The following GCNT1 variants were observed in gnomAD, a reference collection of about 807,000 sequenced individuals.
The protein encoded by GCNT1 is glucosaminyl (N-acetyl) transferase 1, also known as beta-1,3-galactosyl-O-glycosyl-glycoprotein beta-1,6-N-acetylglucosaminyltransferase.
A neutral mutation model predicts 26.2 loss-of-function variants in GCNT1; 16 were observed. The observed-to-expected ratio is 0.61, with a 90% confidence interval of 0.41 to 0.93. GCNT1 has a LOEUF of 0.93. Among genes scored for constraint, GCNT1 ranks in the 40% least tolerant of loss-of-function variants. The pLI, the probability that GCNT1 is intolerant of heterozygous loss-of-function variation, is 0.00. For synonymous variants in GCNT1, 183 were observed against 190.8 expected (o/e 0.96, Z 0.34); for missense variants, 477 against 526.7 (o/e 0.91, Z 0.92).
chr9:76,446,939 G>A (rs906291610), intron 1 of GCNT1, among the ~76,000 whole-genome samples: 2 of 152,048 alleles, frequency 1.3e-5, no homozygotes, highest in Non-Finnish European at 2.9e-5. Context: ...CAGATCACTC[G>A]AGTCCAGGAG....
At chr9:76,397,674 C>G in the GCNT1 span, among the ~76,000 whole-genome samples, 7 of 152,132 alleles carry the variant, frequency 4.6e-5, no homozygotes, top group African/African-American at 1.7e-4. Context: ...GAACTCCTGG[C>G]TTCAAGTGAT....
intron 2 of GCNT1, among the ~76,000 whole-genome samples, chr9:76,460,508 T>G (rs937064115): frequency 3.9e-5 from 6 of 152,122 alleles, no homozygotes; most frequent in African/African-American, 1.4e-4. Context: ...GGCTTAGTAG[T>G]TTTTAAAGAT....
the GCNT1 span, among the ~76,000 whole-genome samples, chr9:76,403,498 T>G: frequency 2.6e-5 from 4 of 152,196 alleles, no homozygotes; most frequent in Non-Finnish European, 5.9e-5. Flanking sequence ...ATTTTGCTTT[T>G]TACTGACATG....
At chr9:76,497,151 C>T (rs1824928548) in intron 2 of GCNT1, among the ~76,000 whole-genome samples, 1 of 152,180 alleles carries the variant, frequency 6.6e-6, no homozygotes, top group South Asian at 2.1e-4. Context: ...GGTGAAGGAA[C>T]ATTGGGCAGA....
At chr9:76,418,392 G>A (rs1271807685), upstream of GCNT1, among the ~76,000 whole-genome samples, 1 of 152,120 alleles carries the variant, frequency 6.6e-6, no homozygotes, top group Non-Finnish European at 1.5e-5. Context: ...ATTCCAAAAG[G>A]GAGGAGGGTA....
rs558905453 is a variant in GCNT1 at position 76,432,466 on chromosome 9, A to G, written n.38+12579A>G. 4.0e-5 allele frequency among the ~76,000 whole-genome samples: 6 copies of G among 151,694 alleles called. No individual in the cohort carries two copies. The East Asian group carries it at 1.2e-3, about 29-fold the overall frequency. On this transcript the variant is annotated intron_variant and non_coding_transcript_variant, in intron 1 of 3. Coordinates refer to the GCNT1 transcript ENST00000488136. ...CAAGCGGTCCCACCTCAGCCTCCAGAGTAGCAGGGACTACAGGCACGCAGC... is the reference window on the plus strand; with the variant it reads ...CAAGCGGTCCCACCTCAGCCTCCAGGGTAGCAGGGACTACAGGCACGCAGC...
At chr9:76,432,140 A>T (rs1048629724) in intron 1 of GCNT1, among the ~76,000 whole-genome samples, 3 of 152,170 alleles carry the variant, frequency 2.0e-5, no homozygotes, top group African/African-American at 7.2e-5. Flanking sequence ...AGAAATTCCA[A>T]GGGTTTTAGA....
chr9:76,460,782 TA>T (rs1291732976), intron 2 of GCNT1, among the ~76,000 whole-genome samples: 1 of 152,230 alleles, frequency 6.6e-6, no homozygotes, highest in East Asian at 1.9e-4. Context: ...GAGAGGTTGA[TA>T]TTTTTTCCAT....
At chr9:76,405,347 G>C in the GCNT1 span, among the ~76,000 whole-genome samples, 1 of 150,426 alleles carries the variant, frequency 6.6e-6, no homozygotes, top group Admixed American at 6.6e-5. Flanking sequence ...TCCTGCACTA[G>C]GCACTAGAAT....
At chr9:76,443,532 GCGGTTTTC>G (rs1823514699) in intron 1 of GCNT1, among the ~76,000 whole-genome samples, 1 of 152,234 alleles carries the variant, frequency 6.6e-6, no homozygotes, top group South Asian at 2.1e-4. Context: ...ATGCCTTTAA[GCGGTTTTC>G]CACCCTGGGT....
intron 2 of GCNT1, among the ~76,000 whole-genome samples, chr9:76,500,438 AT>A (rs1825033476): frequency 6.6e-6 from 1 of 152,090 alleles, no homozygotes; most frequent in Non-Finnish European, 1.5e-5. Flanking sequence ...TGAAATTCTT[AT>A]GTTTTGTTAC....
intron 1 of GCNT1, among the ~76,000 whole-genome samples, chr9:76,451,201 A>G (rs1474634019): frequency 2.0e-5 from 3 of 152,204 alleles, no homozygotes; most frequent in South Asian, 2.1e-4. Context: ...ATTTTGTAGC[A>G]TTTGTCAAAA....
At chr9:76,471,388 T>C (rs565230983) in intron 2 of GCNT1, among the ~76,000 whole-genome samples, 1 of 152,242 alleles carries the variant, frequency 6.6e-6, no homozygotes, top group Admixed American at 6.5e-5. Flanking sequence ...TCCACCCCTA[T>C]ACTGAAGACC....
At chr9:76,440,744 C>G (rs773049320), upstream of GCNT1, among the ~76,000 whole-genome samples, 3 of 152,098 alleles carry the variant, frequency 2.0e-5, no homozygotes, top group Admixed American at 2.0e-4. Flanking sequence ...CTTGGTTGCA[C>G]GTTAGAATCA....
At chr9:76,490,373 G>A (rs756093165) in intron 2 of GCNT1, among the ~76,000 whole-genome samples, 3 of 152,162 alleles carry the variant, frequency 2.0e-5, no homozygotes, top group Non-Finnish European at 4.4e-5. Flanking sequence ...TCCTTTGAGA[G>A]TGTGTGGTAG....
At chr9:76,486,894 G>C (rs546787095) in intron 2 of GCNT1, among the ~76,000 whole-genome samples, 28 of 151,606 alleles carry the variant, frequency 1.8e-4, no homozygotes, top group African/African-American at 6.5e-4. Flanking sequence ...TGGCCACAAT[G>C]GTGAGACCCT....
At chr9:76,474,475 T>C (rs1254653711) in intron 2 of GCNT1, among the ~76,000 whole-genome samples, 1 of 152,172 alleles carries the variant, frequency 6.6e-6, no homozygotes, top group African/African-American at 2.4e-5. Context: ...AATTTGGAAA[T>C]ACCCTTAATA....
intron 1 of GCNT1, among the ~76,000 whole-genome samples, chr9:76,445,027 G>C (rs1014374651): frequency 2.0e-5 from 3 of 152,180 alleles, no homozygotes; most frequent in Non-Finnish European, 4.4e-5. Context: ...TTACTATCTG[G>C]CCCTTTCCAG....
intron 2 of GCNT1, among the ~76,000 whole-genome samples, chr9:76,478,657 C>T (rs562846978): frequency 3.3e-5 from 5 of 152,180 alleles, no homozygotes; most frequent in African/African-American, 7.2e-5. Flanking sequence ...TACCCTAAGC[C>T]AGAATTTCAT....
Sources: gnomAD v4.1 joint callset for allele counts (sites outside exome capture counted in the v4.1 genomes callset) on GRCh38, gnomAD v4.1.1 for gene constraint, MANE v1.5 for transcripts, NCBI Gene and HGNC (gene_info 2026-07-23, HGNC 2026-07-21) for gene names.